DLEC1: variants seen among roughly 807,000 people sequenced by gnomAD.
The protein encoded by DLEC1 is deleted in lung and esophageal cancer protein 1.
Under a neutral mutation model 198.1 loss-of-function variants are expected in DLEC1, and 146 were observed. The ratio of observed to expected loss-of-function variants is 0.74; its 90% CI spans 0.64 to 0.85. The LOEUF (loss-of-function observed/expected upper bound fraction) is 0.85, where lower values mean the gene tolerates loss of function less well. DLEC1 is among the 40% of genes least tolerant of loss of function. DLEC1 has a pLI of 0.00. For missense variants in DLEC1, 2,233 were observed against 2,220.0 expected (o/e 1.01, Z -0.12); for synonymous variants, 897 against 866.8 (o/e 1.03, Z -0.61).
intron 6 of DLEC1, among the ~76,000 whole-genome samples, chr3:38,076,183 G>A (rs893836475): frequency 1.3e-5 from 2 of 152,346 alleles, no homozygotes; most frequent in South Asian, 4.1e-4. Context: ...TTGAGGGATA[G>A]TGAGGGAGGT....
At chr3:38,109,847 T>C (rs1372973214) in intron 22 of DLEC1, 4 of 684,264 alleles carry the variant, frequency 5.8e-6, no homozygotes, top group African/African-American at 1.8e-5. Flanking sequence ...CTTGCCCACA[T>C]GAGGCCCAGC....
chr3:38,110,979 C>T (rs533952183), intron 23 of DLEC1, among the ~76,000 whole-genome samples: 6 of 152,256 alleles, frequency 3.9e-5, no homozygotes, highest in East Asian at 1.9e-4. Context: ...CATACATGCT[C>T]ATATACACAC....
chr3:38,116,157 A>G lies in DLEC1; in HGVS notation c.3857-296A>G, dbSNP rs112349536. Reference sequence around the variant, plus strand: ...GCCTGCCCACAAACAGGCCGGAAGGAGAAGCAGCTGTGGGAGAGAGCAGAG... The same window carrying G: ...GCCTGCCCACAAACAGGCCGGAAGGGGAAGCAGCTGTGGGAGAGAGCAGAG... On this transcript the variant is annotated intron_variant, in intron 27 of 36. Coordinates refer to ENST00000308059, the MANE Select transcript of DLEC1 (RefSeq NM_007335.4). 1.6e-3 allele frequency among the ~76,000 whole-genome samples: 245 copies of G among 152,302 alleles called. 3 individuals are homozygous for G. The highest frequency in any genetic ancestry group is 4.9e-3 in the African/African-American group (202 of 41,562).
Position 38,088,300 on chromosome 3 carries a change from T to C in DLEC1, c.1577T>C (p.Ile526Thr), listed in dbSNP as rs367726934. ...TSWPPLSFKA[I>T]ATVGFVEQPP... is the part of the protein sequence containing the mutation. ...GGTAATCTGCTTTTCTTTAAGGCCA[T>C]TGCAACCGTCGGCTTTGTTGAACAA... is the stretch of plus-strand genomic sequence containing the variant. Residue 526 changes from isoleucine to threonine, a missense_variant, in exon 10 of 37, where the codon ATT (isoleucine) becomes ACT (threonine). Coordinates refer to ENST00000308059, the MANE Select transcript of DLEC1 (RefSeq NM_007335.4). 3.2e-5 allele frequency: 51 copies of C among 1,613,784 alleles called. No individual in the cohort carries two copies. The highest frequency in any genetic ancestry group is 4.3e-5 in the Non-Finnish European group (51 of 1,179,762).
At chr3:38,113,696 T>C (rs1217565621) in intron 25 of DLEC1, among the ~76,000 whole-genome samples, 2 of 151,224 alleles carry the variant, frequency 1.3e-5, no homozygotes, top group Non-Finnish European at 2.9e-5. Context: ...GTCTCAATAA[T>C]AATAATAATA....
intron 6 of DLEC1, among the ~76,000 whole-genome samples, 170 bp from the exon 7 acceptor site, chr3:38,083,988 A>G (rs1427408897): frequency 6.6e-6 from 1 of 152,158 alleles, no homozygotes; most frequent in African/African-American, 2.4e-5. Flanking sequence ...ATAGGATGGC[A>G]TAATGAATCC....
chr3:38,107,818 A>G lies in DLEC1; in HGVS notation c.3018+81A>G. On this transcript the variant is annotated intron_variant, in intron 20 of 36. Coordinates refer to ENST00000308059, the MANE Select transcript of DLEC1 (RefSeq NM_007335.4). ...ACATAGAGGGGGGCATTGTCCCCCA[A>G]ATATCCTCACAGAACAGAGATACTC... The G allele has an allele frequency of 2.7e-6, 4 of 1,477,216 alleles. No individual in the cohort carries two copies. In the South Asian group the frequency reaches 5.0e-5, roughly 18 times the overall value. The allele number at this position is 1,477,216 out of a possible 1,614,324, so 91.5% of individuals were successfully genotyped here.
chr3:38,057,388 C>T (rs538484010), intron 2 of DLEC1, among the ~76,000 whole-genome samples: 8 of 151,996 alleles, frequency 5.3e-5, no homozygotes, highest in African/African-American at 1.4e-4. Flanking sequence ...GCTACTCAGG[C>T]AGCTGAGGTA....
At chr3:38,054,136 T>C (rs1389577654) in intron 2 of DLEC1, among the ~76,000 whole-genome samples, 4 of 151,890 alleles carry the variant, frequency 2.6e-5, no homozygotes, top group African/African-American at 4.8e-5. Flanking sequence ...CCTCCACTAT[T>C]GTCCTATGAC....
intron 25 of DLEC1, among the ~76,000 whole-genome samples, chr3:38,113,639 C>T (rs1699998567): frequency 6.6e-6 from 1 of 151,862 alleles, no homozygotes; most frequent in South Asian, 2.1e-4. Context: ...TGCAGTCAGC[C>T]GAGATCATGC....
At position 38,110,276 on chromosome 3, in the gene DLEC1, C is replaced by T. The variant is rs766984051; in HGVS notation, c.3438C>T (p.Thr1146=). The T allele has an allele frequency of 9.3e-6, 15 of 1,614,100 alleles. No homozygotes were observed. The highest frequency in any genetic ancestry group is 1.2e-5 in the Non-Finnish European group (14 of 1,180,012). Residue 1146 remains threonine (T), a synonymous_variant, in exon 23 of 37, where the codon ACC becomes ACT. Coordinates refer to ENST00000308059, the MANE Select transcript of DLEC1 (RefSeq NM_007335.4). ...GSPQNSLSKK[T]SLPNMPPALL... is the part of the protein sequence containing the mutation. The stretch of plus-strand genomic sequence containing the variant: ...CCCAAAACAGCCTGAGCAAAAAGAC[C>T]AGCCTGTAAGTCTTGCTTCTTTCAC...
Position 38,039,436 on chromosome 3 carries a change from C to A in DLEC1, c.211C>A (p.Leu71Met). ...ARPRRLTQLA[L>M]AQRPEPQLLR... ...GCCCCGCCGCCTCACGCAGCTTGCGCTGGCGCAGCGTCCCGAGCCTCAGCT... is the reference window on the plus strand; with the variant it reads ...GCCCCGCCGCCTCACGCAGCTTGCGATGGCGCAGCGTCCCGAGCCTCAGCT... The change falls in exon 1 of 37, where the codon CTG becomes ATG. Residue 71 changes from leucine (L) to methionine (M), a missense_variant. Physicochemically the swap from Leu to Met is conservative, Grantham distance 15. Transcript: ENST00000308059. 5.6e-6 allele frequency: 9 copies of A among 1,613,758 alleles called. No individual in the cohort carries two copies. Among genetic ancestry groups the A allele is most frequent in the Non-Finnish European group, 7.6e-6 (9 of 1,179,762 alleles).
At chr3:38,042,477 T>C (rs556966473) in intron 1 of DLEC1, among the ~76,000 whole-genome samples, 2 of 152,178 alleles carry the variant, frequency 1.3e-5, no homozygotes, top group African/African-American at 4.8e-5. Context: ...TGTACACGAA[T>C]TAATTTTGTA....
chr3:38,084,394 TA>T (rs2125670435), intron 7 of DLEC1, 149 bp downstream of exon 7: 1 of 731,258 alleles, frequency 1.4e-6, no homozygotes, highest in Non-Finnish European at 2.3e-6. Context: ...GTAGTGGTAG[TA>T]GTAGTAGTGG....
In DLEC1 at chr3:38,122,140, G is replaced by A. The variant is rs180864786; in HGVS notation, c.5090G>A (p.Arg1697Gln). The change falls in exon 36 of 37, where the codon CGA (arginine) becomes CAA (glutamine). Residue 1697 changes from arginine (R) to glutamine (Q), a missense_variant. Arg to Gln is a conservative substitution (Grantham distance 43). Transcript: ENST00000308059. Reference protein sequence around the residue: ...VSPNSGLLEARSANAPPTSIA... With the variant: ...VSPNSGLLEAQSANAPPTSIA... Reference sequence around the variant, plus strand: ...CCAAACAGTGGGCTGCTAGAAGCACGATCCGCCAATGCACCCCCAACCTCC... The same window carrying A: ...CCAAACAGTGGGCTGCTAGAAGCACAATCCGCCAATGCACCCCCAACCTCC... The A allele has an allele frequency of 1.8e-5, 29 of 1,614,122 alleles. No homozygotes were observed. Among genetic ancestry groups the A allele is most frequent in the East Asian group, 2.2e-5 (1 of 44,878 alleles).
intron 1 of DLEC1, among the ~76,000 whole-genome samples, chr3:38,042,282 T>A (rs1228116229): frequency 6.6e-6 from 1 of 152,130 alleles, no homozygotes; most frequent in African/African-American, 2.4e-5. Flanking sequence ...AGTGTGCCAC[T>A]GCGCCTGGCC....
At chr3:38,104,400 T>G (rs1370257277) in intron 19 of DLEC1, among the ~76,000 whole-genome samples, 2 of 152,102 alleles carry the variant, frequency 1.3e-5, no homozygotes, top group South Asian at 4.2e-4. Flanking sequence ...GAGGCTGCAG[T>G]GAGCCGAGAT....
chr3:38,108,333 G>A (rs1160016801), intron 20 of DLEC1, 72 bp from the exon 21 acceptor site: 13 of 1,285,714 alleles, frequency 1.0e-5, no homozygotes, highest in Non-Finnish European at 1.4e-5. Flanking sequence ...CAGCAGTGCT[G>A]AGCACTCTCT....
rs1559430731 is a variant in DLEC1, at chr3:38,084,536, GGTGGTA to G, written c.1261+294_1261+299del. ...TAGTAGTGGTAGTAGTAGTAGTGGT[GGTGGTA>G]GTAGTAGTGGTAGTAGTAGTGGTAG... On this transcript the variant is annotated intron_variant, in intron 7 of 36. Transcript: ENST00000308059. 1.7e-4 allele frequency among the ~76,000 whole-genome samples: 11 copies of G among 64,736 alleles called. No individual in the cohort carries two copies. In the South Asian group the frequency reaches 1.9e-3, roughly 11 times the overall value. The allele number at this position is 64,736 out of a possible 152,430, so 42.5% of individuals were successfully genotyped here.
Sources: gnomAD v4.1 joint callset for allele counts (sites outside exome capture counted in the v4.1 genomes callset) on GRCh38, gnomAD v4.1.1 for gene constraint, MANE v1.5 for transcripts, NCBI Gene and HGNC (gene_info 2026-07-23, HGNC 2026-07-21) for gene names.